RBPJ: variants seen among roughly 807,000 people sequenced by gnomAD.
RBPJ encodes the protein recombination signal binding protein for immunoglobulin kappa J region, also known as recombining binding protein suppressor of hairless.
In RBPJ, 9 loss-of-function variants were observed where a neutral mutation model predicts 67.8. That is an observed-to-expected ratio of 0.13 (90% CI 0.08 to 0.23). The LOEUF is 0.23. Ranked by LOEUF, RBPJ falls within the 10% of genes least tolerant of loss-of-function variation. RBPJ has a pLI of 1.00. For synonymous variants in RBPJ, 198 were observed against 203.3 expected, an observed-to-expected ratio of 0.97 and a Z score of 0.22; for missense variants, 305 against 595.6, an observed-to-expected ratio of 0.51 and a Z score of 5.08.
chr4:26,256,176 T>A (rs149066803), intron 1 of RBPJ, among the ~76,000 whole-genome samples: 2 of 152,038 alleles, frequency 1.3e-5, no homozygotes, highest in Non-Finnish European at 2.9e-5. Flanking sequence ...CATGTTATAG[T>A]GTTTATTTTC....
At chr4:26,320,669 C>A, upstream of RBPJ, 1 of 1,463,114 alleles carries the variant, frequency 6.8e-7, no homozygotes, top group East Asian at 2.5e-5. Flanking sequence ...CATTCCTCGT[C>A]CCCGTAGTAA....
At chr4:26,249,252 A>G (rs946957729) in intron 1 of RBPJ, among the ~76,000 whole-genome samples, 13 of 152,226 alleles carry the variant, frequency 8.5e-5, no homozygotes, top group African/African-American at 2.7e-4. Context: ...AAGTATATAA[A>G]TAATTTATGA....
chr4:26,142,667 T>C, the RBPJ span, among the ~76,000 whole-genome samples: 4,119 of 152,318 alleles, frequency 0.027, 165 homozygotes, highest in African/African-American at 0.094. Flanking sequence ...GGGGTCAACC[T>C]ACAGACACTT....
chr4:26,391,464 C>T (rs1201044519), intron 2 of RBPJ, among the ~76,000 whole-genome samples: 1 of 151,872 alleles, frequency 6.6e-6, no homozygotes, highest in Non-Finnish European at 1.5e-5. Context: ...CAACCCACCC[C>T]CCACACACAA....
Position 26,329,991 on chromosome 4 carries a change from A to G in RBPJ, c.20+8943A>G, listed in dbSNP as rs546589202. Among the ~76,000 whole-genome samples the G allele has an allele frequency of 7.9e-5, 12 of 152,304 alleles. No homozygotes were observed. In the East Asian group the frequency reaches 2.3e-3, roughly 29 times the overall value. On this transcript the variant is annotated intron_variant, in intron 1 of 10. Transcript: ENST00000355476. ...CCCTTTTCTGAAGTGTGGAATTTAA[A>G]GGGTAAGATGGGAGTGGGGTACACC...
intron 2 of RBPJ, among the ~76,000 whole-genome samples, chr4:26,405,223 G>A (rs1335972902): frequency 6.6e-6 from 1 of 152,160 alleles, no homozygotes; most frequent in Non-Finnish European, 1.5e-5. Context: ...AGGCTACTTA[G>A]TGTGTAAGTG....
Position 26,254,465 on chromosome 4 carries a change from A to G in RBPJ, c.-167+90851A>G, listed in dbSNP as rs186851387. Among the ~76,000 whole-genome samples the G allele has an allele frequency of 3.7e-4, 55 of 148,712 alleles. 4 individuals are homozygous for G. The highest frequency in any genetic ancestry group is 6.8e-3 in the Middle Eastern group (2 of 292). On this transcript the variant is annotated intron_variant, in intron 1 of 4. Coordinates refer to the RBPJ transcript ENST00000512351. ...TCTTCCTAGAAGGTTCTGTTCCACA[A>G]TCTTTGCATGGTTGCTTCCTTTCAT...
At chr4:26,392,184 C>T in intron 2 of RBPJ, among the ~76,000 whole-genome samples, 1 of 152,182 alleles carries the variant, frequency 6.6e-6, no homozygotes, top group East Asian at 1.9e-4. Flanking sequence ...AAGGACTCAT[C>T]ATGGGAACAG....
chr4:26,272,160 G>C (rs1720936924), intron 1 of RBPJ, among the ~76,000 whole-genome samples: 1 of 152,296 alleles, frequency 6.6e-6, no homozygotes. Flanking sequence ...ACCTTTGACA[G>C]AAGTCAAAGG....
chr4:26,356,022 T>C (rs575292641), intron 1 of RBPJ, among the ~76,000 whole-genome samples: 1 of 152,324 alleles, frequency 6.6e-6, no homozygotes, highest in African/African-American at 2.4e-5. Flanking sequence ...GTACTGACTG[T>C]CCTCTGACCC....
chr4:26,179,619 C>T (rs1716911024), intron 1 of RBPJ, among the ~76,000 whole-genome samples: 1 of 152,072 alleles, frequency 6.6e-6, no homozygotes, highest in South Asian at 2.1e-4. Flanking sequence ...CAATGAGTTA[C>T]CGTCTCATAC....
chr4:26,279,489 G>C (rs972380690), intron 1 of RBPJ, among the ~76,000 whole-genome samples: 3 of 152,028 alleles, frequency 2.0e-5, no homozygotes, highest in Non-Finnish European at 4.4e-5. Context: ...TGTTGGCCAC[G>C]ATGGTCTCAA....
At chr4:26,325,477 T>C (rs1348014410) in intron 1 of RBPJ, among the ~76,000 whole-genome samples, 2 of 152,182 alleles carry the variant, frequency 1.3e-5, no homozygotes, top group Non-Finnish European at 2.9e-5. Context: ...TCCAATTCTG[T>C]CTCTGGCACT....
chr4:26,342,480 G>A (rs568586567), intron 1 of RBPJ, among the ~76,000 whole-genome samples: 3 of 152,278 alleles, frequency 2.0e-5, no homozygotes, highest in South Asian at 4.1e-4. Flanking sequence ...ATCTGCTAGC[G>A]ATAGTGTAAT....
chr4:26,167,832 A>G (rs1716380079), intron 1 of RBPJ, among the ~76,000 whole-genome samples: 2 of 151,780 alleles, frequency 1.3e-5, no homozygotes, highest in South Asian at 4.2e-4. Flanking sequence ...TTGCCCATTC[A>G]GTATGATATT....
chr4:26,240,331 C>T (rs1017786580), intron 1 of RBPJ, among the ~76,000 whole-genome samples: 1 of 152,094 alleles, frequency 6.6e-6, no homozygotes, highest in African/African-American at 2.4e-5. Context: ...CCTGGGATAC[C>T]CCGTCTGGGT....
chr4:26,125,340 C>A, the RBPJ span, among the ~76,000 whole-genome samples: 1 of 152,314 alleles, frequency 6.6e-6, no homozygotes, highest in East Asian at 1.9e-4. Flanking sequence ...ATGGAGCCAG[C>A]CTGGGAGTGC....
intron 1 of RBPJ, among the ~76,000 whole-genome samples, chr4:26,177,480 G>A (rs915419382): frequency 2.0e-5 from 3 of 152,122 alleles, no homozygotes; most frequent in Non-Finnish European, 2.9e-5. Flanking sequence ...GGGAGGCTGA[G>A]GTGGGAGGAT....
chr4:26,402,656 A>T (rs978035404), intron 2 of RBPJ, among the ~76,000 whole-genome samples: 7 of 152,132 alleles, frequency 4.6e-5, no homozygotes, highest in Non-Finnish European at 7.3e-5. Context: ...GCAGCACCTG[A>T]GGCTGGTTTC....
Sources: allele counts gnomAD v4.1 joint callset (sites outside exome capture counted in the v4.1 genomes callset), GRCh38; gene constraint gnomAD v4.1.1; transcripts MANE v1.5; gene names NCBI Gene and HGNC (gene_info 2026-07-23, HGNC 2026-07-21).